Variants in EDN1 observed in about 807,000 individuals in gnomAD.
EDN1 encodes endothelin 1.
EDN1 carries 11 observed loss-of-function variants against 21.7 expected under a neutral mutation model. That is an observed-to-expected ratio of 0.51 (90% CI 0.32 to 0.84). EDN1 has a LOEUF of 0.84. EDN1 is among the 40% of genes least tolerant of loss of function. EDN1 has a pLI of 0.03. For missense variants in EDN1, 244 were observed against 262.3 expected (o/e 0.93, Z 0.48); for synonymous variants, 85 against 90.6 (o/e 0.94, Z 0.35).
the EDN1 span, among the ~76,000 whole-genome samples, chr6:12,282,383 CTGTT>C: frequency 6.6e-6 from 1 of 152,232 alleles, no homozygotes. Flanking sequence ...AATCTTGAAA[CTGTT>C]TGGAAAAAAT....
the EDN1 span, among the ~76,000 whole-genome samples, chr6:12,240,505 G>A: frequency 4.6e-3 from 703 of 152,274 alleles, 4 homozygotes; most frequent in African/African-American, 0.016. Context: ...TGGACTTGTA[G>A]GTGTGTTGTA....
chr6:12,232,172 TAA>T, the EDN1 span, among the ~76,000 whole-genome samples: 1 of 126,698 alleles, frequency 7.9e-6, no homozygotes, highest in South Asian at 3.2e-4. Context: ...TATAATATAA[TAA>T]AGTGTATATT....
the EDN1 span, among the ~76,000 whole-genome samples, chr6:12,259,079 T>C: frequency 4.8e-4 from 73 of 152,228 alleles, no homozygotes; most frequent in Non-Finnish European, 9.6e-4. Context: ...CAATACATGG[T>C]GTTGGCTAAA....
chr6:12,247,024 T>A, the EDN1 span, among the ~76,000 whole-genome samples: 1 of 152,226 alleles, frequency 6.6e-6, no homozygotes, highest in Non-Finnish European at 1.5e-5. Flanking sequence ...ATGACTATAT[T>A]TGGAAATATT....
At chr6:12,268,304 G>C in the EDN1 span, among the ~76,000 whole-genome samples, 2 of 152,106 alleles carry the variant, frequency 1.3e-5, no homozygotes, top group Non-Finnish European at 2.9e-5. Context: ...TTCTGGAAAG[G>C]ATTAACCATT....
chr6:12,264,262 A>G, the EDN1 span, among the ~76,000 whole-genome samples: 1 of 152,192 alleles, frequency 6.6e-6, no homozygotes, highest in African/African-American at 2.4e-5. Context: ...AAGAGAGAGC[A>G]ACTCTGGCTT....
chr6:12,277,130 G>A, the EDN1 span, among the ~76,000 whole-genome samples: 1 of 152,136 alleles, frequency 6.6e-6, no homozygotes, highest in Non-Finnish European at 1.5e-5. Flanking sequence ...TAAGTTAACT[G>A]TCTTGCAATA....
the EDN1 span, among the ~76,000 whole-genome samples, chr6:12,249,355 A>G: frequency 1.3e-5 from 2 of 152,122 alleles, no homozygotes; most frequent in Non-Finnish European, 2.9e-5. Context: ...GCTTTGAAGA[A>G]CTACATTATA....
At chr6:12,284,958 C>A in the EDN1 span, among the ~76,000 whole-genome samples, 1 of 152,108 alleles carries the variant, frequency 6.6e-6, no homozygotes, top group Non-Finnish European at 1.5e-5. Context: ...AGTGGTCTTT[C>A]CCTGCATCAG....
chr6:12,245,832 T>A, the EDN1 span, among the ~76,000 whole-genome samples: 1 of 151,838 alleles, frequency 6.6e-6, no homozygotes, highest in Admixed American at 6.6e-5. Flanking sequence ...AGGCTGTGGG[T>A]GGGGAGGGAC....
chr6:12,285,330 T>C, the EDN1 span, among the ~76,000 whole-genome samples: 1 of 152,286 alleles, frequency 6.6e-6, no homozygotes, highest in Non-Finnish European at 1.5e-5. Context: ...GATGTGAACC[T>C]TTTGTTTTTC....
the EDN1 span, among the ~76,000 whole-genome samples, chr6:12,237,668 C>T: frequency 6.6e-6 from 1 of 152,024 alleles, no homozygotes; most frequent in Non-Finnish European, 1.5e-5. Context: ...TCCGGGGCTG[C>T]CTGTGCTTTA....
At position 12,296,203 on chromosome 6, in the gene EDN1, G is replaced by A. The variant is rs547080448; in HGVS notation, c.*136G>A. The A allele has an allele frequency of 7.8e-5, 61 of 784,456 alleles. No individual in the cohort carries two copies. Among genetic ancestry groups the A allele is most frequent in the South Asian group, 2.1e-4 (15 of 72,052 alleles). 48.6% of individuals were successfully genotyped at this position (784,456 alleles called of 1,614,324 possible). A position where few individuals can be genotyped will look rare whatever the true frequency, so the allele number is the denominator to read the frequency against. On this transcript the variant is annotated 3_prime_UTR_variant, in exon 5 of 5. Transcript: ENST00000379375. ...TGACTGGCAAAGGACCAGCGTCCTC[G>A]TTCAAAACATTCCAAGAAAGGTTAA...
chr6:12,268,968 A>C, the EDN1 span, among the ~76,000 whole-genome samples: 2 of 152,092 alleles, frequency 1.3e-5, no homozygotes, highest in Non-Finnish European at 2.9e-5. Flanking sequence ...CACGAACATG[A>C]GACCGCTTTC....
At chr6:12,289,452 C>A (rs1337126395), upstream of EDN1, among the ~76,000 whole-genome samples, 6 of 152,086 alleles carry the variant, frequency 3.9e-5, no homozygotes, top group Non-Finnish European at 8.8e-5. Flanking sequence ...GCGTTTTTTT[C>A]TGCCATTTAG....
At chr6:12,265,984 A>T in the EDN1 span, among the ~76,000 whole-genome samples, 1 of 152,140 alleles carries the variant, frequency 6.6e-6, no homozygotes, top group Non-Finnish European at 1.5e-5. Flanking sequence ...TGCTTGACAA[A>T]GTTTCTCCCT....
At chr6:12,271,163 AT>A in the EDN1 span, among the ~76,000 whole-genome samples, 1 of 152,040 alleles carries the variant, frequency 6.6e-6, no homozygotes, top group African/African-American at 2.4e-5. Flanking sequence ...ATGAAATTTA[AT>A]CCATTTACAT....
chr6:12,276,008 A>G, the EDN1 span, among the ~76,000 whole-genome samples: 2 of 151,986 alleles, frequency 1.3e-5, no homozygotes, highest in African/African-American at 4.8e-5. Context: ...TAAAAATACA[A>G]AATATCAGCT....
At chr6:12,294,456 C>T (rs1297583230) in intron 4 of EDN1, 52 bp downstream of exon 4, 3 of 1,606,668 alleles carry the variant, frequency 1.9e-6, no homozygotes, top group South Asian at 2.2e-5. Context: ...AACAACTAGC[C>T]CCAGTCAGTG....
Sources: gnomAD v4.1 joint callset for allele counts (sites outside exome capture counted in the v4.1 genomes callset) on GRCh38, gnomAD v4.1.1 for gene constraint, MANE v1.5 for transcripts, NCBI Gene and HGNC (gene_info 2026-07-23, HGNC 2026-07-21) for gene names.